The following DIRAS2 variants were observed in gnomAD, a reference collection of about 807,000 sequenced individuals.
The protein encoded by DIRAS2 is DIRAS family GTPase 2.
A neutral mutation model predicts 13.9 loss-of-function variants in DIRAS2; 5 were observed. The ratio of observed to expected loss-of-function variants is 0.36; its 90% CI spans 0.19 to 0.76. DIRAS2 has a LOEUF of 0.76. DIRAS2 is among the 30% of genes least tolerant of loss of function. The pLI, the probability that DIRAS2 is intolerant of heterozygous loss-of-function variation, is 0.53. For synonymous variants in DIRAS2, 111 were observed against 105.4 expected, an observed-to-expected ratio of 1.05 and a Z score of -0.33; for missense variants, 191 against 263.0, an observed-to-expected ratio of 0.73 and a Z score of 1.89.
intron 1 of DIRAS2, among the ~76,000 whole-genome samples, chr9:90,621,018 A>C (rs2118552719): frequency 6.6e-6 from 1 of 152,326 alleles, no homozygotes; most frequent in Admixed American, 6.5e-5. Context: ...GATCCCAGTT[A>C]GAGGAATAAG....
intron 1 of DIRAS2, among the ~76,000 whole-genome samples, chr9:90,638,821 C>T (rs916423207): frequency 6.6e-6 from 1 of 152,132 alleles, no homozygotes; most frequent in Non-Finnish European, 1.5e-5. Context: ...ATTCTGATCA[C>T]TTTTCCTTTT....
chr9:90,622,956 T>C (rs1425446164), intron 1 of DIRAS2, among the ~76,000 whole-genome samples: 1 of 152,236 alleles, frequency 6.6e-6, no homozygotes, highest in African/African-American at 2.4e-5. Context: ...CTGAAACTTC[T>C]ATTAGATGAT....
chr9:90,637,556 T>C (rs1825382250), intron 1 of DIRAS2, among the ~76,000 whole-genome samples: 1 of 152,188 alleles, frequency 6.6e-6, no homozygotes, highest in East Asian at 1.9e-4. Context: ...CATAATATGG[T>C]GTATTATCAA....
At chr9:90,638,658 G>A (rs558137477) in intron 1 of DIRAS2, among the ~76,000 whole-genome samples, 1 of 151,824 alleles carries the variant, frequency 6.6e-6, no homozygotes, top group Middle Eastern at 3.4e-3. Context: ...GTGTGTGTGT[G>A]TGTGCACGTA....
chr9:90,621,071 T>C (rs1048349399), intron 1 of DIRAS2, among the ~76,000 whole-genome samples: 1 of 152,114 alleles, frequency 6.6e-6, no homozygotes, highest in Non-Finnish European at 1.5e-5. Flanking sequence ...AAGTAAATCT[T>C]TGATTTCACA....
chr9:90,637,486 T>C (rs1422979988), intron 1 of DIRAS2, among the ~76,000 whole-genome samples: 4 of 152,216 alleles, frequency 2.6e-5, no homozygotes, highest in African/African-American at 4.8e-5. Context: ...TGAAAATTAC[T>C]ATCAAGTTCT....
intron 1 of DIRAS2, among the ~76,000 whole-genome samples, 180 bp from the exon 2 acceptor site, chr9:90,614,043 T>C (rs1825142642): frequency 6.6e-6 from 1 of 152,110 alleles, no homozygotes; most frequent in Non-Finnish European, 1.5e-5. Flanking sequence ...GACGATCTAC[T>C]CAGGGGCTCA....
rs934931134 is a variant in DIRAS2 at position 90,611,929 on chromosome 9, G to A, written c.*1299C>T. ...AGTGGGCTCTTCCCAGGGCAGAGAA[G>A]CCTGCCTGTCTCCAGCCACCATCCT... On this transcript the variant is annotated 3_prime_UTR_variant, in exon 2 of 2. Coordinates refer to ENST00000375765, the MANE Select transcript of DIRAS2 (RefSeq NM_017594.5). The A allele has an allele frequency of 3.3e-5, 5 of 152,224 alleles. No individual in the cohort carries two copies. The highest frequency in any genetic ancestry group is 1.3e-4 in the Admixed American group (2 of 15,286). The allele number at this position is 152,224 out of a possible 1,614,324, so 9.4% of individuals were successfully genotyped here.
intron 1 of DIRAS2, among the ~76,000 whole-genome samples, chr9:90,636,066 C>G (rs1009968277): frequency 9.1e-6 from 1 of 109,492 alleles, no homozygotes; most frequent in African/African-American, 3.5e-5. Flanking sequence ...GAGACAGAGT[C>G]TCGCTCCGTC....
chr9:90,612,379 C>T lies in DIRAS2; in HGVS notation c.*849G>A, dbSNP rs1396958665. The T allele has an allele frequency of 6.6e-6, 1 of 152,558 alleles. No homozygotes were observed. The highest frequency in any genetic ancestry group is 2.4e-5 in the African/African-American group (1 of 41,422). The allele number at this position is 152,558 out of a possible 1,614,324, so 9.5% of individuals were successfully genotyped here. ...CGTCTAAAAATAGTGAGTTTATTTG[C>T]TTGTATTTAAAATCTGAGGGCTGAA... On this transcript the variant is annotated 3_prime_UTR_variant, in exon 2 of 2. Transcript: ENST00000375765.
intron 1 of DIRAS2, among the ~76,000 whole-genome samples, chr9:90,629,273 C>T (rs1464162490): frequency 6.6e-6 from 1 of 152,176 alleles, no homozygotes; most frequent in Non-Finnish European, 1.5e-5. Context: ...AAAAACAAAT[C>T]TCTATACTCT....
At chr9:90,620,488 G>A (rs1397770511) in intron 1 of DIRAS2, among the ~76,000 whole-genome samples, 1 of 152,164 alleles carries the variant, frequency 6.6e-6, no homozygotes, top group African/African-American at 2.4e-5. Flanking sequence ...TGGGCACGGT[G>A]GCTCATGCCT....
chr9:90,638,281 T>C (rs1236614602), intron 1 of DIRAS2, among the ~76,000 whole-genome samples: 3 of 152,172 alleles, frequency 2.0e-5, no homozygotes, highest in Admixed American at 2.0e-4. Context: ...GCACAAAGCA[T>C]TATATGTAAA....
At chr9:90,616,446 G>C (rs918576418) in intron 1 of DIRAS2, among the ~76,000 whole-genome samples, 1 of 152,156 alleles carries the variant, frequency 6.6e-6, no homozygotes, top group African/African-American at 2.4e-5. Flanking sequence ...TGCTGCAAAA[G>C]AGAGGTCTGA....
At chr9:90,618,380 C>A (rs556252312) in intron 1 of DIRAS2, among the ~76,000 whole-genome samples, 1 of 152,136 alleles carries the variant, frequency 6.6e-6, no homozygotes, top group African/African-American at 2.4e-5. Context: ...ATAAGGGGAG[C>A]ACCTCTCCCT....
chr9:90,642,088 G>C lies in DIRAS2; in HGVS notation c.-37+664C>G, dbSNP rs143653506. Reference sequence around the variant, plus strand: ...TTTCAAGAGAGAAGGAGAGAGGCAGGTTCCCACAACGCCAGAAGCCAGCAC... The same window carrying C: ...TTTCAAGAGAGAAGGAGAGAGGCAGCTTCCCACAACGCCAGAAGCCAGCAC... On this transcript the variant is annotated intron_variant, in intron 1 of 1. Coordinates refer to ENST00000375765, the MANE Select transcript of DIRAS2 (RefSeq NM_017594.5). 1.8e-3 allele frequency among the ~76,000 whole-genome samples: 281 copies of C among 152,350 alleles called. 3 individuals are homozygous for C. Among genetic ancestry groups the C allele is most frequent in the African/African-American group, 6.6e-3 (276 of 41,582 alleles).
intron 1 of DIRAS2, among the ~76,000 whole-genome samples, chr9:90,631,097 G>A (rs1196582324): frequency 6.6e-6 from 1 of 152,232 alleles, no homozygotes; most frequent in African/African-American, 2.4e-5. Context: ...TATGTAGTGA[G>A]CATCGAAGAT....
At chr9:90,615,811 A>G (rs767601568) in intron 1 of DIRAS2, among the ~76,000 whole-genome samples, 7 of 152,208 alleles carry the variant, frequency 4.6e-5, no homozygotes, top group Non-Finnish European at 8.8e-5. Context: ...TCATGACCTC[A>G]TCTATTCCTA....
chr9:90,636,938 C>T (rs987782477), intron 1 of DIRAS2, among the ~76,000 whole-genome samples: 2 of 152,178 alleles, frequency 1.3e-5, no homozygotes, highest in African/African-American at 2.4e-5. Context: ...CTACCTTAAA[C>T]GTGCACAGAA....
Sources: gnomAD v4.1 joint callset for allele counts (sites outside exome capture counted in the v4.1 genomes callset) on GRCh38, gnomAD v4.1.1 for gene constraint, MANE v1.5 for transcripts, NCBI Gene and HGNC (gene_info 2026-07-23, HGNC 2026-07-21) for gene names.